The following PTPRK variants were observed in gnomAD, a reference collection of about 807,000 sequenced individuals.
PTPRK encodes receptor-type tyrosine-protein phosphatase kappa.
In PTPRK, 75 loss-of-function variants were observed where a neutral mutation model predicts 178.0. The ratio of observed to expected loss-of-function variants is 0.42; its 90% confidence interval spans 0.35 to 0.51. PTPRK has a LOEUF of 0.51. Among genes scored for constraint, PTPRK ranks in the 20% least tolerant of loss-of-function variants. PTPRK has a pLI of 0.02. For synonymous variants in PTPRK, 637 were observed against 620.6 expected (o/e 1.03, Z -0.39); for missense variants, 1,441 against 1,797.8 (o/e 0.80, Z 3.59).
At chr6:128,417,262 G>T (rs1562479072) in intron 1 of PTPRK, among the ~76,000 whole-genome samples, 2 of 152,070 alleles carry the variant, frequency 1.3e-5, no homozygotes, top group Non-Finnish European at 2.9e-5. Flanking sequence ...AGAGAGCCAA[G>T]AAGTTAAAAT....
chr6:127,986,304 C>A (rs543037440), intron 21 of PTPRK, among the ~76,000 whole-genome samples: 1 of 152,234 alleles, frequency 6.6e-6, no homozygotes, highest in African/African-American at 2.4e-5. Flanking sequence ...GATTTTAATG[C>A]CTTGCTTATC....
At chr6:128,452,245 T>C (rs1847887417) in intron 1 of PTPRK, among the ~76,000 whole-genome samples, 1 of 152,100 alleles carries the variant, frequency 6.6e-6, no homozygotes, top group South Asian at 2.1e-4. Flanking sequence ...ATTTCCCAAC[T>C]TGCATATAAA....
At chr6:128,308,925 C>T (rs1826836798) in intron 3 of PTPRK, among the ~76,000 whole-genome samples, 2 of 152,018 alleles carry the variant, frequency 1.3e-5, no homozygotes, top group Non-Finnish European at 2.9e-5. Context: ...CCGGAGTAGG[C>T]CTGGAGAAAA....
intron 3 of PTPRK, among the ~76,000 whole-genome samples, chr6:128,290,699 C>T (rs1823237937): frequency 1.3e-5 from 2 of 152,018 alleles, no homozygotes; most frequent in African/African-American, 4.8e-5. Context: ...AACTTATACC[C>T]TGTATGTTTA....
At chr6:128,103,643 T>C (rs935935135) in intron 7 of PTPRK, among the ~76,000 whole-genome samples, 1 of 152,162 alleles carries the variant, frequency 6.6e-6, no homozygotes, top group Non-Finnish European at 1.5e-5. Context: ...ATCTGACACA[T>C]CACATCCTTT....
intron 7 of PTPRK, among the ~76,000 whole-genome samples, chr6:128,120,354 G>A (rs1427266644): frequency 6.6e-6 from 1 of 151,918 alleles, no homozygotes; most frequent in Non-Finnish European, 1.5e-5. Context: ...AGAAACTTCT[G>A]AATGTTTCCA....
chr6:128,374,351 C>A (rs1426936740), intron 2 of PTPRK, among the ~76,000 whole-genome samples: 1 of 152,090 alleles, frequency 6.6e-6, no homozygotes, highest in Non-Finnish European at 1.5e-5. Flanking sequence ...ACAATAAAGA[C>A]TCCAAAGTGT....
chr6:128,190,427 A>G (rs1803568376), intron 6 of PTPRK, among the ~76,000 whole-genome samples: 1 of 145,546 alleles, frequency 6.9e-6, no homozygotes, highest in African/African-American at 2.5e-5. Context: ...GATAGAATTG[A>G]GTTAAATTTG....
At chr6:128,272,345 A>G (rs1819968204) in intron 3 of PTPRK, among the ~76,000 whole-genome samples, 1 of 152,256 alleles carries the variant, frequency 6.6e-6, no homozygotes, top group African/African-American at 2.4e-5. Flanking sequence ...AACAAAAGCC[A>G]AAACTGACAA....
At chr6:128,409,788 CT>C (rs1842092093) in intron 1 of PTPRK, among the ~76,000 whole-genome samples, 1 of 152,132 alleles carries the variant, frequency 6.6e-6, no homozygotes, top group South Asian at 2.1e-4. Context: ...TGCACAAGCT[CT>C]TTTTGCCCGC....
At chr6:128,276,451 G>A (rs1334884278) in intron 3 of PTPRK, among the ~76,000 whole-genome samples, 1 of 152,104 alleles carries the variant, frequency 6.6e-6, no homozygotes, top group Non-Finnish European at 1.5e-5. Flanking sequence ...AATTCCAGAA[G>A]TGTAAAACTG....
chr6:128,475,230 C>A (rs1409810488), intron 1 of PTPRK, among the ~76,000 whole-genome samples: 1 of 152,004 alleles, frequency 6.6e-6, no homozygotes, highest in East Asian at 1.9e-4. Context: ...AAGGTAAGTA[C>A]CTCATTTAGT....
intron 5 of PTPRK, among the ~76,000 whole-genome samples, chr6:128,220,298 G>A (rs1280441196): frequency 1.3e-5 from 2 of 152,092 alleles, no homozygotes; most frequent in Non-Finnish European, 2.9e-5. Flanking sequence ...AAAGTGAATA[G>A]GGTATAAAAA....
At chr6:128,457,917 C>T (rs1848589867) in intron 1 of PTPRK, among the ~76,000 whole-genome samples, 1 of 152,114 alleles carries the variant, frequency 6.6e-6, no homozygotes, top group Non-Finnish European at 1.5e-5. Flanking sequence ...CATTGTTCTT[C>T]CCCATTGCGG....
intron 3 of PTPRK, among the ~76,000 whole-genome samples, chr6:128,258,436 T>A: frequency 6.6e-6 from 1 of 152,246 alleles, no homozygotes; most frequent in Non-Finnish European, 1.5e-5. Context: ...TAGAGATAAC[T>A]GACCAGAAAA....
chr6:128,127,057 T>C (rs957717429), intron 7 of PTPRK, among the ~76,000 whole-genome samples: 9 of 152,180 alleles, frequency 5.9e-5, no homozygotes, highest in Admixed American at 4.6e-4. Flanking sequence ...CTTTCTTCAT[T>C]GGATCATCTT....
At chr6:128,283,065 G>A (rs1179880171) in intron 3 of PTPRK, among the ~76,000 whole-genome samples, 4 of 152,148 alleles carry the variant, frequency 2.6e-5, no homozygotes, top group African/African-American at 2.4e-5. Context: ...GGTTAAAACA[G>A]GTCATGCTTT....
intron 3 of PTPRK, among the ~76,000 whole-genome samples, chr6:128,302,575 A>G (rs985667913): frequency 6.6e-6 from 1 of 152,068 alleles, no homozygotes; most frequent in African/African-American, 2.4e-5. Context: ...GATTTCTGTA[A>G]GATTTGTCAG....
intron 1 of PTPRK, among the ~76,000 whole-genome samples, chr6:128,476,810 G>A (rs1280701967): frequency 6.6e-6 from 1 of 151,722 alleles, no homozygotes; most frequent in African/African-American, 2.4e-5. Context: ...AATTAGTGGG[G>A]AACTTAGGAT....
Sources: gnomAD v4.1 joint callset for allele counts (sites outside exome capture counted in the v4.1 genomes callset) on GRCh38, gnomAD v4.1.1 for gene constraint, MANE v1.5 for transcripts, NCBI Gene and HGNC (gene_info 2026-07-23, HGNC 2026-07-21) for gene names.